MGAT5: variants seen among roughly 807,000 people sequenced by gnomAD.
The protein encoded by MGAT5 is alpha-1,6-mannosylglycoprotein 6-beta-N-acetylglucosaminyltransferase A.
In MGAT5, 30 loss-of-function variants were observed where a neutral mutation model predicts 94.3. The ratio of observed to expected loss-of-function variants is 0.32; its 90% CI spans 0.24 to 0.43. MGAT5 has a LOEUF of 0.43. Among genes scored for constraint, MGAT5 ranks in the 20% least tolerant of loss-of-function variants. The pLI is 1.00. For synonymous variants in MGAT5, 310 were observed against 322.9 expected, an observed-to-expected ratio of 0.96 and a Z score of 0.43; for missense variants, 691 against 905.5, an observed-to-expected ratio of 0.76 and a Z score of 3.04.
chr2:134,121,353 G>A (rs796269579), intron 1 of MGAT5, among the ~76,000 whole-genome samples: 84 of 152,354 alleles, frequency 5.5e-4, no homozygotes, highest in African/African-American at 1.9e-3. Context: ...GGTGCAAGGG[G>A]GTGTGTGAGC....
Position 134,450,838 on chromosome 2 carries a change from CTG to C in MGAT5, c.*1994_*1995del, listed in dbSNP as rs1340386146. 6.9e-6 allele frequency: 1 copy of C among 144,170 alleles called. No individual in the cohort carries two copies. Among genetic ancestry groups the C allele is most frequent in the Non-Finnish European group, 1.5e-5 (1 of 65,474 alleles). 8.9% of individuals were successfully genotyped at this position (144,170 alleles called of 1,614,324 possible). A position where few individuals can be genotyped will look rare whatever the true frequency, so the allele number is the denominator to read the frequency against. On this transcript the variant is annotated 3_prime_UTR_variant, in exon 16 of 16. Coordinates refer to ENST00000281923, the MANE Select transcript of MGAT5 (RefSeq NM_002410.5). ...TGTGTGTGTGTGTGTGTGTATGAGC[CTG>C]TGCATTTCTTTTAAGCAAGGGCAGT...
At chr2:134,216,576 T>C (rs1467691102) in intron 1 of MGAT5, among the ~76,000 whole-genome samples, 1 of 152,186 alleles carries the variant, frequency 6.6e-6, no homozygotes, top group Non-Finnish European at 1.5e-5. Flanking sequence ...GACTAGGAAA[T>C]AGGGCTGGCA....
chr2:134,152,562 A>G lies in MGAT5; in HGVS notation c.-143+32271A>G, dbSNP rs184476526. On this transcript the variant is annotated intron_variant, in intron 1 of 16. Coordinates refer to the MGAT5 transcript ENST00000409645. Reference sequence around the variant, plus strand: ...TCTGTTGCCAAATGTTGCACTGCCAATCTTCCCCAAAGGAAATAAAGGAAG... The same window carrying G: ...TCTGTTGCCAAATGTTGCACTGCCAGTCTTCCCCAAAGGAAATAAAGGAAG... 2.6e-3 allele frequency among the ~76,000 whole-genome samples: 391 copies of G among 152,376 alleles called. 2 individuals are homozygous for G. The highest frequency in any genetic ancestry group is 0.014 in the Middle Eastern group (4 of 294).
intron 1 of MGAT5, among the ~76,000 whole-genome samples, chr2:134,176,021 G>A (rs1688447106): frequency 6.6e-6 from 1 of 152,196 alleles, no homozygotes; most frequent in South Asian, 2.1e-4. Context: ...CCATTTAACT[G>A]TTTGTTTTGG....
chr2:134,371,386 G>C (rs1358846734), intron 10 of MGAT5, among the ~76,000 whole-genome samples: 1 of 152,138 alleles, frequency 6.6e-6, no homozygotes, highest in East Asian at 1.9e-4. Context: ...GGGGCATAAG[G>C]GTGGGAGGAA....
intron 1 of MGAT5, among the ~76,000 whole-genome samples, chr2:134,226,659 G>T (rs1229399435): frequency 6.6e-6 from 1 of 152,196 alleles, no homozygotes; most frequent in Non-Finnish European, 1.5e-5. Context: ...TAGACAGAAA[G>T]TCTGGTAGAG....
chr2:134,180,082 G>C (rs1688663277), intron 1 of MGAT5, among the ~76,000 whole-genome samples: 1 of 152,134 alleles, frequency 6.6e-6, no homozygotes, highest in African/African-American at 2.4e-5. Flanking sequence ...AAAAGGGAGA[G>C]GAACCTTCAG....
At chr2:134,424,345 T>G (rs1451031211) in intron 13 of MGAT5, among the ~76,000 whole-genome samples, 1 of 152,156 alleles carries the variant, frequency 6.6e-6, no homozygotes, top group Non-Finnish European at 1.5e-5. Flanking sequence ...GTGAGGGCAC[T>G]CCGATGCATT....
At chr2:134,192,857 A>T (rs1573833763) in intron 1 of MGAT5, among the ~76,000 whole-genome samples, 2 of 152,118 alleles carry the variant, frequency 1.3e-5, no homozygotes, top group Middle Eastern at 6.8e-3. Context: ...AGCAAGCATA[A>T]ATATAAGTGT....
chr2:134,241,780 G>A (rs1035794650), intron 1 of MGAT5, among the ~76,000 whole-genome samples: 1 of 152,118 alleles, frequency 6.6e-6, no homozygotes. Flanking sequence ...GAGTGAGAGA[G>A]ATCATATATT....
intron 1 of MGAT5, among the ~76,000 whole-genome samples, chr2:134,177,905 C>T (rs530242816): frequency 2.4e-4 from 36 of 152,216 alleles, no homozygotes; most frequent in Non-Finnish European, 4.3e-4. Context: ...GTACACAGCA[C>T]TTAAGCAGAG....
intron 12 of MGAT5, among the ~76,000 whole-genome samples, 170 bp downstream of exon 12, chr2:134,413,185 AT>A (rs1233863010): frequency 6.6e-6 from 1 of 152,202 alleles, no homozygotes; most frequent in Non-Finnish European, 1.5e-5. Flanking sequence ...TAGGGGCAGG[AT>A]TTGAATCTAC....
At chr2:134,167,571 T>C (rs546458537) in intron 1 of MGAT5, among the ~76,000 whole-genome samples, 2 of 152,328 alleles carry the variant, frequency 1.3e-5, no homozygotes, top group Non-Finnish European at 2.9e-5. Flanking sequence ...TGAGAACCAC[T>C]GCGCTAAAGG....
chr2:134,276,825 A>G (rs1257916134), intron 2 of MGAT5, among the ~76,000 whole-genome samples: 3 of 152,178 alleles, frequency 2.0e-5, no homozygotes, highest in Admixed American at 6.5e-5. Flanking sequence ...TGGGTTAGAG[A>G]TGTTCCTATG....
At chr2:134,160,089 A>G (rs932135971) in intron 1 of MGAT5, among the ~76,000 whole-genome samples, 16 of 152,194 alleles carry the variant, frequency 1.1e-4, no homozygotes, top group Non-Finnish European at 4.4e-5. Flanking sequence ...GGTTTACACC[A>G]GACAAGTCAA....
At chr2:134,385,116 T>G (rs990252098) in intron 10 of MGAT5, among the ~76,000 whole-genome samples, 1 of 152,224 alleles carries the variant, frequency 6.6e-6, no homozygotes, top group African/African-American at 2.4e-5. Context: ...AAGCTGCTGT[T>G]ATTGATTCTA....
intron 10 of MGAT5, among the ~76,000 whole-genome samples, chr2:134,379,120 G>C (rs1466333508): frequency 6.6e-6 from 1 of 152,076 alleles, no homozygotes; most frequent in African/African-American, 2.4e-5. Flanking sequence ...CTTCTCCCCT[G>C]TTCTTCCCCA....
At chr2:134,233,364 A>G (rs1452419096) in intron 1 of MGAT5, among the ~76,000 whole-genome samples, 1 of 152,200 alleles carries the variant, frequency 6.6e-6, no homozygotes, top group African/African-American at 2.4e-5. Flanking sequence ...TTGAAGTAGC[A>G]ATCTTTACCA....
At position 134,268,026 on chromosome 2, in the gene MGAT5, CT is replaced by C. The variant is rs1683822648; in HGVS notation, c.242-2359del. ...CCCTCCAAAGGATATTTAGCAGTGT[CT>C]GGAGACGTTTTTGATTGCCACACCT... On this transcript the variant is annotated intron_variant, in intron 1 of 15. Transcript: ENST00000281923. The surrounding 1 kb of genome is among the most constrained non-coding windows in gnomAD (Gnocchi z 4.1). Among the ~76,000 whole-genome samples, 1 of 152,218 alleles carries C rather than the reference CT, an allele frequency of 6.6e-6. No individual in the cohort carries two copies. Among genetic ancestry groups the C allele is most frequent in the African/African-American group, 2.4e-5 (1 of 41,462 alleles).
Sources: allele counts gnomAD v4.1 joint callset (sites outside exome capture counted in the v4.1 genomes callset), GRCh38; gene constraint gnomAD v4.1.1; non-coding constraint Gnocchi (gnomAD v3.1); transcripts MANE v1.5; gene names NCBI Gene and HGNC (gene_info 2026-07-23, HGNC 2026-07-21).